Variants in CDC14A observed in about 807,000 individuals in gnomAD.
CDC14A encodes the protein cell division cycle 14A, also known as dual specificity protein phosphatase CDC14A.
Under a neutral mutation model 74.4 loss-of-function variants are expected in CDC14A, and 53 were observed. The observed-to-expected ratio is 0.71, with a 90% confidence interval of 0.57 to 0.89. CDC14A has a LOEUF of 0.89. Among genes scored for constraint, CDC14A ranks in the 40% least tolerant of loss-of-function variants. CDC14A has a pLI of 0.00. For synonymous variants in CDC14A, 247 were observed against 258.4 expected (o/e 0.96, Z 0.43); for missense variants, 646 against 713.7 (o/e 0.91, Z 1.08).
intron 11 of CDC14A, among the ~76,000 whole-genome samples, chr1:100,489,252 A>G (rs1360815077): frequency 6.6e-6 from 1 of 152,146 alleles, no homozygotes; most frequent in Non-Finnish European, 1.5e-5. Flanking sequence ...AATCTGCTAA[A>G]AATTCCATTC....
intron 5 of CDC14A, among the ~76,000 whole-genome samples, chr1:100,438,787 A>G (rs1013388078): frequency 3.3e-5 from 5 of 152,236 alleles, no homozygotes; most frequent in Non-Finnish European, 7.3e-5. Flanking sequence ...CCATAGGTTC[A>G]AGTGACCTTG....
chr1:100,483,922 T>A (rs554068295), intron 10 of CDC14A, among the ~76,000 whole-genome samples: 1 of 152,314 alleles, frequency 6.6e-6, no homozygotes, highest in African/African-American at 2.4e-5. Flanking sequence ...ATTCTCTCTG[T>A]TTTTATAAAT....
At chr1:100,404,508 T>A (rs750112322) in intron 4 of CDC14A, among the ~76,000 whole-genome samples, 1 of 152,154 alleles carries the variant, frequency 6.6e-6, no homozygotes, top group Non-Finnish European at 1.5e-5. Flanking sequence ...AGGGGTGTAG[T>A]TATACAGCAA....
At chr1:100,447,060 A>T (rs1665627507) in intron 7 of CDC14A, among the ~76,000 whole-genome samples, 3 of 152,206 alleles carry the variant, frequency 2.0e-5, no homozygotes, top group African/African-American at 7.2e-5. Context: ...TCAAGTGCAT[A>T]GTAGCCACAT....
chr1:100,353,024 A>C (rs1280768089), intron 1 of CDC14A, 21 bp downstream of exon 1: 1 of 1,613,318 alleles, frequency 6.2e-7, no homozygotes, highest in African/African-American at 1.3e-5. Context: ...GCCGCCCCGC[A>C]TCTTCCAACG....
At chr1:100,498,300 G>A in intron 14 of CDC14A, 93 bp downstream of exon 14, 1 of 1,407,914 alleles carries the variant, frequency 7.1e-7, no homozygotes. Flanking sequence ...TCAGAGGAGG[G>A]GACAAGGGAG....
intron 2 of CDC14A, among the ~76,000 whole-genome samples, chr1:100,367,031 G>A (rs186772053): frequency 3.3e-5 from 5 of 152,298 alleles, no homozygotes; most frequent in South Asian, 2.1e-4. Flanking sequence ...GTGGGGACCC[G>A]TGCTTGGCTG....
At chr1:100,513,120 C>G (rs1649921135) in intron 15 of CDC14A, among the ~76,000 whole-genome samples, 1 of 152,102 alleles carries the variant, frequency 6.6e-6, no homozygotes, top group African/African-American at 2.4e-5. Context: ...TCAATGCACA[C>G]ATTTTATGTG....
chr1:100,410,222 AG>A (rs1660500243), intron 4 of CDC14A, among the ~76,000 whole-genome samples: 1 of 151,992 alleles, frequency 6.6e-6, no homozygotes, highest in African/African-American at 2.4e-5. Context: ...AAAAAAAAAA[AG>A]AAAAAAAAAT....
chr1:100,397,509 A>G (rs1658679195), intron 4 of CDC14A, among the ~76,000 whole-genome samples: 1 of 152,206 alleles, frequency 6.6e-6, no homozygotes, highest in South Asian at 2.1e-4. Context: ...GTGCTTAAAG[A>G]CCAAGTCTTC....
intron 2 of CDC14A, among the ~76,000 whole-genome samples, chr1:100,375,166 A>G (rs934574544): frequency 7.9e-5 from 12 of 152,208 alleles, no homozygotes; most frequent in Admixed American, 1.3e-4. Flanking sequence ...TGTAGCAGAA[A>G]GAAAAGGAGG....
intron 4 of CDC14A, among the ~76,000 whole-genome samples, chr1:100,409,237 G>A (rs1005462298): frequency 2.6e-4 from 40 of 152,072 alleles, no homozygotes; most frequent in African/African-American, 9.7e-4. Flanking sequence ...ACATAGCACG[G>A]GAAAGACCTG....
chr1:100,518,416 G>C lies in CDC14A; in HGVS notation c.*136G>C. On this transcript the variant is annotated 3_prime_UTR_variant, in exon 16 of 16. Transcript: ENST00000336454. Reference sequence around the variant, plus strand: ...TACCTTAAATTAAAAAGAGCACTAAGATAACACCTTCAAGAGACTTGAAAA... The same window carrying C: ...TACCTTAAATTAAAAAGAGCACTAACATAACACCTTCAAGAGACTTGAAAA... The C allele has an allele frequency of 1.5e-6, 1 of 681,798 alleles. No homozygotes were observed. The highest frequency in any genetic ancestry group is 2.6e-6 in the Non-Finnish European group (1 of 382,570). 42.2% of individuals were successfully genotyped at this position (681,798 alleles called of 1,614,324 possible). A position where few individuals can be genotyped will look rare whatever the true frequency, so the allele number is the denominator to read the frequency against.
At chr1:100,394,980 T>A (rs1333409111) in intron 4 of CDC14A, among the ~76,000 whole-genome samples, 1 of 152,216 alleles carries the variant, frequency 6.6e-6, no homozygotes, top group Non-Finnish European at 1.5e-5. Flanking sequence ...CTTCTCTGGA[T>A]ACAAAAGACC....
At chr1:100,410,062 A>G (rs1276294218) in intron 4 of CDC14A, among the ~76,000 whole-genome samples, 1 of 152,090 alleles carries the variant, frequency 6.6e-6, no homozygotes, top group Non-Finnish European at 1.5e-5. Flanking sequence ...ATAAAAAAGA[A>G]TTAACCAGGT....
intron 2 of CDC14A, among the ~76,000 whole-genome samples, chr1:100,376,163 G>T (rs12015133): frequency 0.015 from 2,313 of 152,118 alleles, 63 homozygotes; most frequent in African/African-American, 0.053. Context: ...GGGGTGGGGG[G>T]ATGGGGGAGG....
At chr1:100,399,175 T>C (rs1452839852) in intron 4 of CDC14A, among the ~76,000 whole-genome samples, 1 of 152,160 alleles carries the variant, frequency 6.6e-6, no homozygotes, top group Non-Finnish European at 1.5e-5. Flanking sequence ...TAGGTGTGAT[T>C]GCAGTGTAGT....
chr1:100,377,959 T>C (rs1375727178), intron 3 of CDC14A, among the ~76,000 whole-genome samples: 9 of 150,768 alleles, frequency 6.0e-5, no homozygotes. Flanking sequence ...CAGATATGCC[T>C]GTAGACCCTG....
chr1:100,380,270 G>A (rs950843348), intron 3 of CDC14A, among the ~76,000 whole-genome samples: 2 of 152,186 alleles, frequency 1.3e-5, no homozygotes, highest in African/African-American at 4.8e-5. Context: ...GCCTGGGAAA[G>A]GTGTGTGACT....
Sources: allele counts gnomAD v4.1 joint callset (sites outside exome capture counted in the v4.1 genomes callset), GRCh38; gene constraint gnomAD v4.1.1; transcripts MANE v1.5; gene names NCBI Gene and HGNC (gene_info 2026-07-23, HGNC 2026-07-21).